CNTN1: variants seen among roughly 807,000 people sequenced by gnomAD.
The protein encoded by CNTN1 is contactin-1.
Under a neutral mutation model 126.4 loss-of-function variants are expected in CNTN1, and 38 were observed. The ratio of observed to expected loss-of-function variants is 0.30; its 90% CI spans 0.23 to 0.39. The LOEUF (loss-of-function observed/expected upper bound fraction) is 0.39. CNTN1 is among the 10% of genes least tolerant of loss of function. The pLI, the probability that CNTN1 is intolerant of heterozygous loss-of-function variation, is 1.00. For synonymous variants in CNTN1, 413 were observed against 422.6 expected (o/e 0.98, Z 0.28); for missense variants, 1,009 against 1,248.4 (o/e 0.81, Z 2.89).
chr12:41,062,898 AAC>A (rs1949966305), intron 23 of CNTN1, among the ~76,000 whole-genome samples: 1 of 152,246 alleles, frequency 6.6e-6, no homozygotes, highest in Non-Finnish European at 1.5e-5. Flanking sequence ...TGGAGAAACA[AAC>A]ACAATTCAGT....
intron 16 of CNTN1, among the ~76,000 whole-genome samples, chr12:40,992,729 T>C (rs950573917): frequency 6.6e-6 from 1 of 152,290 alleles, no homozygotes; most frequent in South Asian, 2.1e-4. Flanking sequence ...TCAGTGGCAA[T>C]ACATAAAATT....
chr12:41,024,761 A>G (rs1170220319), intron 20 of CNTN1, among the ~76,000 whole-genome samples: 3 of 152,246 alleles, frequency 2.0e-5, no homozygotes, highest in Admixed American at 6.5e-5. Context: ...GAAGTTTGAA[A>G]TCATGCAAAC....
intron 1 of CNTN1, among the ~76,000 whole-genome samples, chr12:40,773,410 C>G (rs539889324): frequency 6.6e-6 from 1 of 151,348 alleles, no homozygotes; most frequent in South Asian, 2.1e-4. Flanking sequence ...TTCTCAAAAC[C>G]TATATTTATT....
At chr12:41,004,303 A>T (rs1021842903) in intron 17 of CNTN1, among the ~76,000 whole-genome samples, 61 of 151,906 alleles carry the variant, frequency 4.0e-4, no homozygotes, top group African/African-American at 1.4e-3. Flanking sequence ...GGTCCAAGAG[A>T]TTGTTTCTTA....
chr12:40,818,280 C>T (rs1257630476), intron 1 of CNTN1, among the ~76,000 whole-genome samples: 1 of 152,088 alleles, frequency 6.6e-6, no homozygotes, highest in Non-Finnish European at 1.5e-5. Context: ...TGATTCCATC[C>T]TCCCCATCTC....
intron 1 of CNTN1, among the ~76,000 whole-genome samples, chr12:40,857,181 G>C (rs981377528): frequency 1.3e-5 from 2 of 152,042 alleles, no homozygotes; most frequent in African/African-American, 2.4e-5. Context: ...TCTAGATGCT[G>C]GGGAATATGT....
At chr12:40,819,581 TC>T in intron 1 of CNTN1, among the ~76,000 whole-genome samples, 1 of 151,978 alleles carries the variant, frequency 6.6e-6, no homozygotes, top group East Asian at 1.9e-4. Flanking sequence ...GTGCCGCCCT[TC>T]CCCCCGCCCA....
At chr12:40,893,968 C>A (rs889562368) in intron 1 of CNTN1, among the ~76,000 whole-genome samples, 1 of 152,072 alleles carries the variant, frequency 6.6e-6, no homozygotes, top group African/African-American at 2.4e-5. Flanking sequence ...CTCAAGTTCC[C>A]CTTTGTTGAA....
At chr12:40,827,184 T>A (rs1054865347) in intron 1 of CNTN1, among the ~76,000 whole-genome samples, 1 of 151,548 alleles carries the variant, frequency 6.6e-6, no homozygotes, top group Middle Eastern at 3.4e-3. Context: ...GCCTGTTTTT[T>A]TTTTTCAGGC....
At chr12:40,819,603 C>G (rs932907) in intron 1 of CNTN1, among the ~76,000 whole-genome samples, 7,730 of 152,168 alleles carry the variant, frequency 0.051, 383 homozygotes, top group Admixed American at 0.15. Context: ...GGGAGCTTAG[C>G]ATGTTAGGCA....
chr12:40,864,763 T>C (rs1392625563), intron 1 of CNTN1, among the ~76,000 whole-genome samples: 2 of 152,230 alleles, frequency 1.3e-5, no homozygotes, highest in South Asian at 2.1e-4. Context: ...GAGTTGTTTA[T>C]GCTTTTTGGC....
intron 23 of CNTN1, among the ~76,000 whole-genome samples, chr12:41,051,636 C>G (rs1360359055): frequency 6.6e-6 from 1 of 151,868 alleles, no homozygotes; most frequent in Non-Finnish European, 1.5e-5. Flanking sequence ...CAAAAATGTC[C>G]TCTTTTTAAG....
At chr12:40,921,670 T>A (rs1005219993) in intron 4 of CNTN1, among the ~76,000 whole-genome samples, 2 of 152,142 alleles carry the variant, frequency 1.3e-5, no homozygotes, top group African/African-American at 4.8e-5. Context: ...CTGAGGAAAA[T>A]CCAGATTTAC....
intron 17 of CNTN1, among the ~76,000 whole-genome samples, chr12:41,013,973 TACTA>T (rs762222642): frequency 1.3e-4 from 20 of 152,212 alleles, no homozygotes; most frequent in East Asian, 9.6e-4. Context: ...TTCAAAATCA[TACTA>T]ACTGAAAGGA....
intron 3 of CNTN1, among the ~76,000 whole-genome samples, chr12:40,916,221 G>T (rs936950005): frequency 6.6e-6 from 1 of 152,064 alleles, no homozygotes; most frequent in Non-Finnish European, 1.5e-5. Context: ...CCTTCAAGAA[G>T]AGAATCTAGA....
chr12:41,044,199 A>G (rs80165923), intron 23 of CNTN1, among the ~76,000 whole-genome samples: 2,166 of 152,072 alleles, frequency 0.014, 58 homozygotes, highest in African/African-American at 0.048. Context: ...AGAAAGAGTA[A>G]TGGAAATTTA....
intron 1 of CNTN1, among the ~76,000 whole-genome samples, chr12:40,770,534 A>G (rs1939296334): frequency 1.3e-5 from 2 of 152,072 alleles, no homozygotes. Context: ...GTATATGTGC[A>G]TGTGTGTGAA....
Position 40,895,755 on chromosome 12 carries a change from A to ATTTTTT in CNTN1, c.-76-12587_-76-12582dup, listed in dbSNP as rs35784846. On this transcript the variant is annotated intron_variant, in intron 1 of 23. Transcript: ENST00000551295. ...TTAATAGTAATTCTTGTGCTTCAAG[A>ATTTTTT]TTTTTTTTTTTTTTTTTTTTGAGAC... is the stretch of plus-strand genomic sequence containing the variant. 6.3e-3 allele frequency among the ~76,000 whole-genome samples: 770 copies of ATTTTTT among 121,662 alleles called. 12 individuals are homozygous for ATTTTTT. Among genetic ancestry groups the ATTTTTT allele is most frequent in the African/African-American group, 0.023 (736 of 31,646 alleles). The allele number at this position is 121,662 out of a possible 152,430, so 79.8% of individuals were successfully genotyped here.
intron 11 of CNTN1, among the ~76,000 whole-genome samples, chr12:40,938,113 C>T (rs143705535): frequency 9.2e-5 from 14 of 152,228 alleles, no homozygotes; most frequent in African/African-American, 2.6e-4. Flanking sequence ...TACATAGTTA[C>T]GGATGATTGT....
Sources: gnomAD v4.1 joint callset for allele counts (sites outside exome capture counted in the v4.1 genomes callset) on GRCh38, gnomAD v4.1.1 for gene constraint, MANE v1.5 for transcripts, NCBI Gene and HGNC (gene_info 2026-07-23, HGNC 2026-07-21) for gene names.